Variants in INTS2 observed in about 807,000 individuals in gnomAD.
INTS2 encodes the protein KIAA1287.
In INTS2, 57 loss-of-function variants were observed where a neutral mutation model predicts 139.6. That is an observed-to-expected ratio of 0.41 (90% CI 0.33 to 0.51). INTS2 has a LOEUF of 0.51. Ranked by LOEUF, INTS2 falls within the 20% of genes least tolerant of loss-of-function variation. INTS2 has a pLI of 0.28. For synonymous variants in INTS2, 473 were observed against 493.4 expected (o/e 0.96, Z 0.55); for missense variants, 1,196 against 1,436.7 (o/e 0.83, Z 2.71).
intron 15 of INTS2, among the ~76,000 whole-genome samples, chr17:61,885,595 T>C (rs148516874): frequency 6.6e-6 from 1 of 152,080 alleles, no homozygotes; most frequent in Non-Finnish European, 1.5e-5. Flanking sequence ...AATTTTTGTA[T>C]TTTTAGTAGA....
rs2079499558 is a variant in INTS2 at position 61,909,396 on chromosome 17, A to C, written c.955-1762T>G. ...AGTGCTGGGATTACAGGCGTAAGCC[A>C]CCCCACCCAGCCCTTACTTCTTATT... On this transcript the variant is annotated intron_variant, in intron 7 of 24. Transcript: ENST00000251334. This position sits in a 1 kb window ranked among gnomAD's most constrained non-coding sequence, Gnocchi z 4.9. Among the ~76,000 whole-genome samples the C allele has an allele frequency of 6.6e-6, 1 of 152,170 alleles. No individual in the cohort carries two copies. Among genetic ancestry groups the C allele is most frequent in the Non-Finnish European group, 1.5e-5 (1 of 68,030 alleles).
intron 5 of INTS2, among the ~76,000 whole-genome samples, chr17:61,913,866 T>G (rs940858839): frequency 1.1e-4 from 17 of 152,164 alleles, no homozygotes; most frequent in African/African-American, 3.6e-4. Context: ...ATTTTTAGTC[T>G]TTAAAATATA....
Position 61,870,843 on chromosome 17 carries a change from G to A in INTS2, c.2779-855C>T, listed in dbSNP as rs1320018878. Among the ~76,000 whole-genome samples, 2 of 152,184 alleles carry A rather than the reference G, an allele frequency of 1.3e-5. No individual in the cohort carries two copies. Among genetic ancestry groups the A allele is most frequent in the Non-Finnish European group, 2.9e-5 (2 of 68,022 alleles). ...TGTTGTTGTTGACTCAGGAGCCAGA[G>A]TGCCTAGGAGTGAATCCTGGTTCTG... is the stretch of plus-strand genomic sequence containing the variant. On this transcript the variant is annotated intron_variant, in intron 20 of 24. Transcript: ENST00000251334. The surrounding 1 kb of genome is among the most constrained non-coding windows in gnomAD (Gnocchi z 4.4).
intron 5 of INTS2, among the ~76,000 whole-genome samples, chr17:61,912,283 C>T (rs368143693): frequency 1.3e-5 from 2 of 148,644 alleles, no homozygotes; most frequent in East Asian, 2.0e-4. Context: ...CCCAGAGAGA[C>T]AAAGAAAGTA....
chr17:61,899,513 A>G (rs1027295744), intron 9 of INTS2, among the ~76,000 whole-genome samples: 5 of 152,116 alleles, frequency 3.3e-5, no homozygotes. Context: ...TTGGCCTCCC[A>G]AAGTGCTGGG....
In INTS2 at chr17:61,881,031, G is replaced by A; in HGVS notation, c.2230C>T (p.His744Tyr). 3 of 1,613,806 alleles carry A rather than the reference G, an allele frequency of 1.9e-6. No individual in the cohort carries two copies. The highest frequency in any genetic ancestry group is 2.5e-6 in the Non-Finnish European group (3 of 1,179,756). ...RMLLTNNAKN[H>Y]SPKQLQEAFS... The stretch of plus-strand genomic sequence containing the variant: ...CCTTCTTGGAGTTGTTTGGGAGAAT[G>A]ATTTTTAGCATTATTAGTCAGGAGC... Residue 744 changes from histidine to tyrosine, a missense_variant, in exon 17 of 25, where the codon CAT (histidine) becomes TAT (tyrosine). By Grantham distance (83) the His-to-Tyr change is moderately conservative (BLOSUM62 2). Coordinates refer to ENST00000251334, the MANE Select transcript of INTS2 (RefSeq NM_001351695.2).
At chr17:61,896,239 C>CAAAAAAAAAAAAAAAAA in intron 11 of INTS2, among the ~76,000 whole-genome samples, 1 of 45,126 alleles carries the variant, frequency 2.2e-5, no homozygotes, top group Non-Finnish European at 3.9e-5. Context: ...GACTCCATCT[C>CAAAAAAAAAAAAAAAAA]AAAAAAAAAA....
chr17:61,927,910 G>A lies in INTS2; in HGVS notation c.-275C>T, dbSNP rs1266328586. 2.5e-6 allele frequency: 4 copies of A among 1,613,838 alleles called. No individual in the cohort carries two copies. In the African/African-American group the frequency reaches 4.0e-5, roughly 16 times the overall value. The stretch of plus-strand genomic sequence containing the variant: ...GGACTGTAGGAACGGAAAAGCGGGA[G>A]ACTTTTTCAACCTGCACCCAGCACC... On this transcript the variant is annotated 5_prime_UTR_variant, in exon 1 of 25. Transcript: ENST00000251334.
chr17:61,909,768 GGT>G lies in INTS2; in HGVS notation c.954+1750_954+1751del, dbSNP rs906068953. Among the ~76,000 whole-genome samples, 3 of 149,968 alleles carry G rather than the reference GGT, an allele frequency of 2.0e-5. No homozygotes were observed. Among genetic ancestry groups the G allele is most frequent in the African/African-American group, 4.9e-5 (2 of 40,442 alleles). On this transcript the variant is annotated intron_variant, in intron 7 of 24. Coordinates refer to ENST00000251334, the MANE Select transcript of INTS2 (RefSeq NM_001351695.2). The surrounding 1 kb of genome is among the most constrained non-coding windows in gnomAD (Gnocchi z 4.9). Reference sequence around the variant, plus strand: ...TTTTTATGGTTGAGTTGTATTCCATGGTGTGTGTGTTTGTGTGTGTGTATACA... The same window carrying G: ...TTTTTATGGTTGAGTTGTATTCCATGGTGTGTGTTTGTGTGTGTGTATACA...
At chr17:61,891,187 C>T (rs191663504) in intron 14 of INTS2, among the ~76,000 whole-genome samples, 3 of 151,522 alleles carry the variant, frequency 2.0e-5, no homozygotes, top group Admixed American at 6.6e-5. Context: ...CCTAGCTACT[C>T]GAGAGACTGA....
chr17:61,893,854 T>G lies in INTS2; in HGVS notation c.1609A>C (p.Ser537Arg), dbSNP rs750355351. 6.3e-7 allele frequency: 1 copy of G among 1,582,054 alleles called. No individual in the cohort carries two copies. Among genetic ancestry groups the G allele is most frequent in the Non-Finnish European group, 8.6e-7 (1 of 1,163,168 alleles). ...AVRVPVTSNL[S>R]ANITGFLPIH... ...GGCAAAAATCCAGTAATGTTGGCAC[T>G]CAGGTTGCTGGTGACAGGGACCCGA... Residue 537 changes from serine (S) to arginine (R), a missense_variant, in exon 13 of 25, where the codon AGT becomes CGT. This residue lies in a region of INTS2 where 1,129 missense variants were observed against 1,341.9 expected (regional missense o/e 0.84). Coordinates refer to ENST00000251334, the MANE Select transcript of INTS2 (RefSeq NM_001351695.2). The surrounding 1 kb of genome is among the most constrained non-coding windows in gnomAD (Gnocchi z 5.4).
rs2079727507 is a variant in INTS2, at chr17:61,927,401, C to T, written c.-19+253G>A. The T allele has an allele frequency of 1.9e-5, 3 of 160,086 alleles. No homozygotes were observed. In the South Asian group the frequency reaches 4.9e-4, roughly 26 times the overall value. 9.9% of individuals were successfully genotyped at this position (160,086 alleles called of 1,614,324 possible). A position where few individuals can be genotyped will look rare whatever the true frequency, so the allele number is the denominator to read the frequency against. On this transcript the variant is annotated intron_variant, in intron 1 of 24. Transcript: ENST00000251334. ...CAGTGAGCTGGCAGCCAAAGCAGTC[C>T]CCTCTCAAGGCCGACCGACTAGCAG...
In INTS2 at chr17:61,868,183, A is replaced by G. The variant is rs945476194; in HGVS notation, c.3245-174T>C. The stretch of plus-strand genomic sequence containing the variant: ...TAGTCTCAGTCTTTATCCAAGATAC[A>G]AATTATTATGCACAAGTTTTGCAAT... On this transcript the variant is annotated intron_variant, in intron 23 of 24. Coordinates refer to ENST00000251334, the MANE Select transcript of INTS2 (RefSeq NM_001351695.2). The surrounding 1 kb of genome is among the most constrained non-coding windows in gnomAD (Gnocchi z 4.7). Among the ~76,000 whole-genome samples, 8 of 152,176 alleles carry G rather than the reference A, an allele frequency of 5.3e-5. No individual in the cohort carries two copies.
chr17:61,881,230 C>A (rs987381133), intron 16 of INTS2, 59 bp from the exon 17 acceptor site: 1 of 1,298,480 alleles, frequency 7.7e-7, no homozygotes. Context: ...GAAGCTTCCC[C>A]ACCCCTCTCA....
chr17:61,896,575 G>A (rs762355740), intron 11 of INTS2, among the ~76,000 whole-genome samples: 7 of 151,888 alleles, frequency 4.6e-5, no homozygotes. Context: ...TTGAATCAGT[G>A]AAAGAAAAAA....
Position 61,869,472 on chromosome 17 carries a change from G to T in INTS2, c.3031-92C>A, listed in dbSNP as rs921565594. 1.9e-6 allele frequency: 2 copies of T among 1,058,090 alleles called. No homozygotes were observed. Among genetic ancestry groups the T allele is most frequent in the Non-Finnish European group, 2.8e-6 (2 of 722,506 alleles). 65.5% of individuals were successfully genotyped at this position (1,058,090 alleles called of 1,614,324 possible). On this transcript the variant is annotated intron_variant, in intron 21 of 24. Coordinates refer to ENST00000251334, the MANE Select transcript of INTS2 (RefSeq NM_001351695.2). This position sits in a 1 kb window ranked among gnomAD's most constrained non-coding sequence, Gnocchi z 5.4. ...AAATGAAAGATTTCATTTCCTTTCT[G>T]TAAAAATTGCTCAGAAGGCTATAGT...
intron 5 of INTS2, among the ~76,000 whole-genome samples, chr17:61,912,386 GGT>G (rs1555625473): frequency 0.17 from 9,640 of 57,428 alleles, 40 homozygotes; most frequent in Middle Eastern, 0.26. Context: ...GGGGGGGGGG[GGT>G]GCGGGGCATG....
Position 61,868,087 on chromosome 17 carries a change from C to T in INTS2, c.3245-78G>A. The T allele has an allele frequency of 3.3e-6, 4 of 1,198,548 alleles. No individual in the cohort carries two copies. In the South Asian group the frequency reaches 6.7e-5, roughly 20 times the overall value. The allele number at this position is 1,198,548 out of a possible 1,614,324, so 74.2% of individuals were successfully genotyped here. On this transcript the variant is annotated intron_variant, in intron 23 of 24. Transcript: ENST00000251334. This position sits in a 1 kb window ranked among gnomAD's most constrained non-coding sequence, Gnocchi z 4.7. The stretch of plus-strand genomic sequence containing the variant: ...AGCTTACACAACATACTAAGGGGAA[C>T]TATGCTCTGTGCTGGAGATATGAAG...
At chr17:61,925,948 C>T (rs1449574650) in intron 2 of INTS2, among the ~76,000 whole-genome samples, 4 of 152,024 alleles carry the variant, frequency 2.6e-5, no homozygotes, top group African/African-American at 7.2e-5. Flanking sequence ...ATCGCTTGAA[C>T]CTGGGAGGCT....
Sources: allele counts gnomAD v4.1 joint callset (sites outside exome capture counted in the v4.1 genomes callset), GRCh38; gene constraint gnomAD v4.1.1; regional missense constraint gnomAD v4.1.1; non-coding constraint Gnocchi (gnomAD v3.1); transcripts MANE v1.5; gene names NCBI Gene and HGNC (gene_info 2026-07-23, HGNC 2026-07-21).